SCARB1: variants seen among roughly 807,000 people sequenced by gnomAD.
SCARB1 encodes the protein CD36 and LIMPII analogous 1.
SCARB1 carries 30 observed loss-of-function variants against 57.2 expected under a neutral mutation model. The observed-to-expected ratio is 0.52, with a 90% confidence interval of 0.39 to 0.71. The LOEUF is 0.71. Among genes scored for constraint, SCARB1 ranks in the 30% least tolerant of loss-of-function variants. SCARB1 has a pLI of 0.00. For synonymous variants in SCARB1, 249 were observed against 268.3 expected, an observed-to-expected ratio of 0.93 and a Z score of 0.70; for missense variants, 543 against 671.2, an observed-to-expected ratio of 0.81 and a Z score of 2.11.
At chr12:124,823,468 T>A (rs1951019983) in intron 1 of SCARB1, among the ~76,000 whole-genome samples, 1 of 152,180 alleles carries the variant, frequency 6.6e-6, no homozygotes, top group Non-Finnish European at 1.5e-5. Flanking sequence ...GAATTTTTTT[T>A]CATGGAAAAT....
intron 1 of SCARB1, among the ~76,000 whole-genome samples, chr12:124,821,808 G>A (rs1167671216): frequency 1.3e-5 from 2 of 152,088 alleles, no homozygotes; most frequent in South Asian, 2.1e-4. Flanking sequence ...ACCTCCACCC[G>A]GGTTAAGGGA....
At chr12:124,806,272 T>C (rs1950320685) in intron 7 of SCARB1, among the ~76,000 whole-genome samples, 1 of 152,026 alleles carries the variant, frequency 6.6e-6, no homozygotes, top group Non-Finnish European at 1.5e-5. Flanking sequence ...CCATCTGGGC[T>C]TGTTGACGCA....
chr12:124,825,190 A>G (rs1202829119), intron 1 of SCARB1, among the ~76,000 whole-genome samples: 1 of 128,584 alleles, frequency 7.8e-6, no homozygotes, highest in Admixed American at 1.0e-4. Context: ...GCGCCACTGC[A>G]CTCCAGCCTG....
At chr12:124,781,274 C>A (rs1376928716) in intron 12 of SCARB1, among the ~76,000 whole-genome samples, 2 of 152,230 alleles carry the variant, frequency 1.3e-5, no homozygotes, top group Non-Finnish European at 2.9e-5. Flanking sequence ...TAGAGACAGC[C>A]AAGTGGCCCC....
At chr12:124,778,645 A>AAGCCCC in intron 12 of SCARB1, 59 bp from the exon 13 acceptor site, 1 of 1,360,822 alleles carries the variant, frequency 7.3e-7, no homozygotes, top group Non-Finnish European at 9.5e-7. Context: ...CCCCACCCTC[A>AAGCCCC]TCCCCGCCCA....
intron 1 of SCARB1, among the ~76,000 whole-genome samples, chr12:124,838,957 T>C (rs1951802254): frequency 6.6e-6 from 1 of 151,960 alleles, no homozygotes; most frequent in African/African-American, 2.4e-5. Flanking sequence ...GTATTTTTAG[T>C]AGAGACGGGG....
chr12:124,834,899 C>G (rs1294243923), intron 1 of SCARB1, among the ~76,000 whole-genome samples: 1 of 152,244 alleles, frequency 6.6e-6, no homozygotes, highest in East Asian at 1.9e-4. Context: ...CAGAGCAAGA[C>G]CCTGTCCACC....
chr12:124,814,125 T>C lies in SCARB1; in HGVS notation c.630+77A>G. On this transcript the variant is annotated intron_variant, in intron 4 of 12. Transcript: ENST00000261693. This position sits in a 1 kb window ranked among gnomAD's most constrained non-coding sequence, Gnocchi z 4.7. ...CCCAGCCAGCTACAAAGCAAGCTGG[T>C]GACCAGTGTCCAGGCTGTGTGAGGG... 2 of 1,371,058 alleles carry C rather than the reference T, an allele frequency of 1.5e-6. No individual in the cohort carries two copies. Among genetic ancestry groups the C allele is most frequent in the Non-Finnish European group, 2.1e-6 (2 of 959,644 alleles). 84.9% of individuals were successfully genotyped at this position (1,371,058 alleles called of 1,614,324 possible).
At chr12:124,785,955 G>A (rs1433481321) in intron 11 of SCARB1, 2 of 1,048,788 alleles carry the variant, frequency 1.9e-6, no homozygotes, top group Admixed American at 2.9e-5. Context: ...CCCCGGCTGG[G>A]ATGCCAGCCC....
intron 1 of SCARB1, among the ~76,000 whole-genome samples, chr12:124,831,173 T>A (rs981401119): frequency 1.3e-5 from 2 of 152,066 alleles, no homozygotes; most frequent in Admixed American, 1.3e-4. Context: ...GAGACGGGGT[T>A]TTGCCAAATT....
chr12:124,803,629 T>C (rs1950213679), intron 7 of SCARB1, among the ~76,000 whole-genome samples: 2 of 143,598 alleles, frequency 1.4e-5, no homozygotes, highest in South Asian at 2.2e-4. Flanking sequence ...TTTGTATCTA[T>C]GTATATTTTA....
chr12:124,785,727 T>C (rs1321768687), intron 11 of SCARB1: 1 of 278,878 alleles, frequency 3.6e-6, no homozygotes, highest in Non-Finnish European at 6.8e-6. Flanking sequence ...TTTATACTGA[T>C]TACATGTTGA....
chr12:124,834,424 C>T (rs1214159231), intron 1 of SCARB1, among the ~76,000 whole-genome samples: 1 of 152,246 alleles, frequency 6.6e-6, no homozygotes, highest in East Asian at 1.9e-4. Context: ...CCGGGCAGAG[C>T]CTCCCACTCC....
rs1280817309 is a variant in SCARB1, at chr12:124,812,304, AAGG to A, written c.631-342_631-340del. Among the ~76,000 whole-genome samples, 8 of 152,186 alleles carry A rather than the reference AAGG, an allele frequency of 5.3e-5. No individual in the cohort carries two copies. The highest frequency in any genetic ancestry group is 1.9e-4 in the African/African-American group (8 of 41,442). ...CAGGTCAGCTCCCTGAGCAATGAAA[AAGG>A]AGAAGTGGCATGTCACTTGGGGGGA... On this transcript the variant is annotated intron_variant, in intron 4 of 12. Transcript: ENST00000261693. This position sits in a 1 kb window ranked among gnomAD's most constrained non-coding sequence, Gnocchi z 4.3.
chr12:124,828,469 G>A (rs992607175), intron 1 of SCARB1, among the ~76,000 whole-genome samples: 1 of 152,148 alleles, frequency 6.6e-6, no homozygotes, highest in African/African-American at 2.4e-5. Context: ...AACACGATGG[G>A]GCCCCTGCCC....
intron 11 of SCARB1, 124 bp downstream of exon 11, chr12:124,786,233 G>A (rs1350779005): frequency 1.0e-5 from 16 of 1,598,608 alleles, no homozygotes; most frequent in Admixed American, 6.7e-5. Context: ...CGGCAGAGAC[G>A]CAGGACTGCT....
chr12:124,861,487 A>AT (rs1025229672), intron 1 of SCARB1, among the ~76,000 whole-genome samples: 1 of 151,936 alleles, frequency 6.6e-6, no homozygotes, highest in African/African-American at 2.4e-5. Flanking sequence ...TAAAAAAAAA[A>AT]AATAAAAGCA....
At chr12:124,804,727 T>G (rs1950264013) in intron 7 of SCARB1, among the ~76,000 whole-genome samples, 1 of 152,134 alleles carries the variant, frequency 6.6e-6, no homozygotes, top group African/African-American at 2.4e-5. Flanking sequence ...GGGGAAAGCA[T>G]CCAATCTGTT....
chr12:124,831,723 GTTTCT>G (rs1179958957), intron 1 of SCARB1, among the ~76,000 whole-genome samples: 1 of 152,188 alleles, frequency 6.6e-6, no homozygotes, highest in Non-Finnish European at 1.5e-5. Context: ...TCCTGTGCCT[GTTTCT>G]TTACCTGTAA....
Sources: allele counts gnomAD v4.1 joint callset (sites outside exome capture counted in the v4.1 genomes callset), GRCh38; gene constraint gnomAD v4.1.1; non-coding constraint Gnocchi (gnomAD v3.1); transcripts MANE v1.5; gene names NCBI Gene and HGNC (gene_info 2026-07-23, HGNC 2026-07-21).